The following ROBO1 variants were observed in gnomAD, a reference collection of about 807,000 sequenced individuals.
The protein encoded by ROBO1 is roundabout homolog 1.
ROBO1 carries 149 observed loss-of-function variants against 195.9 expected under a neutral mutation model. The ratio of observed to expected loss-of-function variants is 0.76; its 90% CI spans 0.67 to 0.87. The LOEUF (loss-of-function observed/expected upper bound fraction) is 0.87. Among genes scored for constraint, ROBO1 ranks in the 40% least tolerant of loss-of-function variants. The pLI, the probability that ROBO1 is intolerant of heterozygous loss-of-function variation, is 0.00. For missense variants in ROBO1, 1,933 were observed against 2,068.3 expected (o/e 0.93, Z 1.27); for synonymous variants, 816 against 733.2 (o/e 1.11, Z -1.82).
intron 2 of ROBO1, among the ~76,000 whole-genome samples, chr3:79,446,736 C>T (rs2039272105): frequency 1.3e-5 from 2 of 152,150 alleles, no homozygotes; most frequent in African/African-American, 4.8e-5. Flanking sequence ...TTATGTTCTA[C>T]TCTCTTAGTC....
chr3:79,271,796 G>A (rs1277427348), intron 2 of ROBO1, among the ~76,000 whole-genome samples: 1 of 152,046 alleles, frequency 6.6e-6, no homozygotes, highest in Non-Finnish European at 1.5e-5. Context: ...GCACATTTGA[G>A]TTACTGAATT....
intron 2 of ROBO1, among the ~76,000 whole-genome samples, chr3:79,574,056 T>C (rs1218504434): frequency 1.3e-5 from 2 of 152,106 alleles, no homozygotes; most frequent in Non-Finnish European, 2.9e-5. Flanking sequence ...ACTCAAAGAA[T>C]TGTACAATGA....
intron 29 of ROBO1, among the ~76,000 whole-genome samples, chr3:78,605,247 T>C (rs1453271650): frequency 6.6e-6 from 1 of 152,246 alleles, no homozygotes; most frequent in Non-Finnish European, 1.5e-5. Flanking sequence ...AGCTTGGATA[T>C]CTTGATTATT....
intron 2 of ROBO1, among the ~76,000 whole-genome samples, chr3:79,329,406 G>A (rs2034343056): frequency 6.6e-6 from 1 of 152,154 alleles, no homozygotes; most frequent in Non-Finnish European, 1.5e-5. Flanking sequence ...ATGTTTAACT[G>A]TAGTTTACCA....
At chr3:79,336,012 A>G (rs1308060810) in intron 2 of ROBO1, among the ~76,000 whole-genome samples, 1 of 152,162 alleles carries the variant, frequency 6.6e-6, no homozygotes, top group East Asian at 1.9e-4. Context: ...CCTGCCCTAG[A>G]TATGTATGGA....
intron 2 of ROBO1, among the ~76,000 whole-genome samples, chr3:79,417,646 G>A (rs529874937): frequency 1.3e-5 from 2 of 151,960 alleles, no homozygotes; most frequent in East Asian, 1.9e-4. Flanking sequence ...TATAATTTCC[G>A]CATTAGCTGG....
At chr3:79,422,479 C>T (rs2038266892) in intron 2 of ROBO1, among the ~76,000 whole-genome samples, 1 of 151,994 alleles carries the variant, frequency 6.6e-6, no homozygotes, top group Non-Finnish European at 1.5e-5. Context: ...AAAACTCTGT[C>T]CTAAAGACTT....
chr3:78,959,319 T>G (rs1458157221), intron 3 of ROBO1, among the ~76,000 whole-genome samples: 1 of 152,188 alleles, frequency 6.6e-6, no homozygotes, highest in Admixed American at 6.5e-5. Flanking sequence ...ACTATCATAT[T>G]TGATAAACTA....
intron 2 of ROBO1, among the ~76,000 whole-genome samples, chr3:79,181,601 G>A (rs992071496): frequency 1.3e-5 from 2 of 152,082 alleles, no homozygotes; most frequent in African/African-American, 4.8e-5. Flanking sequence ...CAATCCTATT[G>A]TAAATTATTT....
At chr3:79,727,835 GACAA>G (rs1443212265) in intron 1 of ROBO1, among the ~76,000 whole-genome samples, 1 of 152,078 alleles carries the variant, frequency 6.6e-6, no homozygotes, top group Non-Finnish European at 1.5e-5. Context: ...TTACAAAGAG[GACAA>G]ACATTTTTCA....
chr3:78,640,946 T>G (rs1359319172), intron 21 of ROBO1, among the ~76,000 whole-genome samples: 3 of 152,202 alleles, frequency 2.0e-5, no homozygotes, highest in Non-Finnish European at 4.4e-5. Flanking sequence ...GCACATAGTC[T>G]ACTGAGTAAA....
chr3:79,414,736 C>A (rs1226521995), intron 2 of ROBO1, among the ~76,000 whole-genome samples: 1 of 151,974 alleles, frequency 6.6e-6, no homozygotes, highest in Non-Finnish European at 1.5e-5. Context: ...AAAGAGAGAG[C>A]CATTATAAAT....
intron 1 of ROBO1, among the ~76,000 whole-genome samples, chr3:79,649,749 C>T (rs553293670): frequency 1.1e-4 from 17 of 152,074 alleles, no homozygotes; most frequent in East Asian, 7.8e-4. Context: ...CTAGACTAGG[C>T]GGGAATAATC....
chr3:79,730,802 G>C (rs891421208), intron 1 of ROBO1, among the ~76,000 whole-genome samples: 1 of 120,486 alleles, frequency 8.3e-6, no homozygotes, highest in Non-Finnish European at 1.6e-5. Context: ...TTTTGAGATG[G>C]AGTCTTGCTC....
intron 4 of ROBO1, among the ~76,000 whole-genome samples, chr3:78,865,374 C>T (rs2035104153): frequency 6.6e-6 from 1 of 151,916 alleles, no homozygotes; most frequent in South Asian, 2.1e-4. Flanking sequence ...AAAATATTTT[C>T]TCACCACCAT....
chr3:79,588,163 T>C (rs574344284), intron 2 of ROBO1, among the ~76,000 whole-genome samples: 1 of 151,916 alleles, frequency 6.6e-6, no homozygotes, highest in South Asian at 2.1e-4. Flanking sequence ...TCGTATACTG[T>C]AGATTTACAA....
At chr3:78,762,438 T>C (rs2083128791) in intron 4 of ROBO1, among the ~76,000 whole-genome samples, 1 of 152,104 alleles carries the variant, frequency 6.6e-6, no homozygotes, top group Admixed American at 6.5e-5. Context: ...TTTCCAGTTG[T>C]TATTTTATCT....
At chr3:78,702,124 T>C (rs1441910251) in intron 8 of ROBO1, among the ~76,000 whole-genome samples, 1 of 152,198 alleles carries the variant, frequency 6.6e-6, no homozygotes, top group Non-Finnish European at 1.5e-5. Context: ...CCAGATGCTA[T>C]GTAATTATCA....
chr3:79,014,191 C>G (rs150690613), intron 3 of ROBO1, among the ~76,000 whole-genome samples: 18 of 151,926 alleles, frequency 1.2e-4, no homozygotes, highest in Non-Finnish European at 1.5e-5. Flanking sequence ...CTTTTTGGAC[C>G]GGGCACACTG....
Sources: allele counts gnomAD v4.1 joint callset (sites outside exome capture counted in the v4.1 genomes callset), GRCh38; gene constraint gnomAD v4.1.1; transcripts MANE v1.5; gene names NCBI Gene and HGNC (gene_info 2026-07-23, HGNC 2026-07-21).